Variants in CTNNA2 observed in about 807,000 individuals in gnomAD.
CTNNA2 encodes the protein catenin alpha-2.
In CTNNA2, 42 loss-of-function variants were observed where a neutral mutation model predicts 101.0. That is an observed-to-expected ratio of 0.42 (90% CI 0.32 to 0.54). The LOEUF is 0.54. CTNNA2 is among the 20% of genes least tolerant of loss of function. The pLI, the probability that CTNNA2 is intolerant of heterozygous loss-of-function variation, is 0.14. For synonymous variants in CTNNA2, 450 were observed against 456.4 expected (o/e 0.99, Z 0.18); for missense variants, 871 against 1,223.1 (o/e 0.71, Z 4.29).
At chr2:79,515,341 T>G (rs1470340468) in intron 1 of CTNNA2, among the ~76,000 whole-genome samples, 3 of 152,214 alleles carry the variant, frequency 2.0e-5, no homozygotes, top group African/African-American at 7.2e-5. Flanking sequence ...ATGAGCATAA[T>G]AAGTTAGTTT....
chr2:79,795,068 A>G (rs936902216), intron 3 of CTNNA2, among the ~76,000 whole-genome samples: 2 of 152,238 alleles, frequency 1.3e-5, no homozygotes, highest in African/African-American at 4.8e-5. Context: ...GCATACTGTC[A>G]CAATAGTGAA....
At chr2:79,938,819 T>C (rs1260163226) in intron 7 of CTNNA2, among the ~76,000 whole-genome samples, 1 of 152,160 alleles carries the variant, frequency 6.6e-6, no homozygotes, top group Non-Finnish European at 1.5e-5. Context: ...AATTCAGAGA[T>C]CAGATAAATT....
intron 2 of CTNNA2, among the ~76,000 whole-genome samples, chr2:79,288,251 T>A (rs1675678743): frequency 6.6e-6 from 1 of 152,256 alleles, no homozygotes; most frequent in Non-Finnish European, 1.5e-5. Flanking sequence ...GCTGTTCCTA[T>A]TCGGCCATCT....
intron 4 of CTNNA2, among the ~76,000 whole-genome samples, chr2:79,427,635 AT>A (rs1457014460): frequency 3.0e-4 from 45 of 151,182 alleles, no homozygotes; most frequent in Non-Finnish European, 5.6e-4. Context: ...AAAAAAAATA[AT>A]AACTGTACTC....
intron 3 of CTNNA2, among the ~76,000 whole-genome samples, chr2:79,322,450 C>T (rs1001109138): frequency 5.3e-5 from 8 of 152,298 alleles, no homozygotes; most frequent in Middle Eastern, 6.8e-3. Context: ...AATACTTTCT[C>T]ACATCAGTTA....
intron 2 of CTNNA2, among the ~76,000 whole-genome samples, chr2:79,691,653 C>G (rs1471374581): frequency 6.6e-6 from 1 of 152,068 alleles, no homozygotes; most frequent in Non-Finnish European, 1.5e-5. Context: ...ACCAAAACAG[C>G]ATGGTACTGG....
chr2:79,777,617 C>T (rs1674074937), intron 3 of CTNNA2, among the ~76,000 whole-genome samples: 1 of 152,120 alleles, frequency 6.6e-6, no homozygotes, highest in South Asian at 2.1e-4. Flanking sequence ...CTTCTCTGTG[C>T]AGAGCACTTG....
chr2:80,492,565 A>G (rs1204683366), intron 9 of CTNNA2, among the ~76,000 whole-genome samples: 1 of 152,212 alleles, frequency 6.6e-6, no homozygotes, highest in African/African-American at 2.4e-5. Flanking sequence ...CCTCATTTAC[A>G]TCAAGGAAAA....
At chr2:80,594,949 A>G (rs1442344513) in intron 15 of CTNNA2, among the ~76,000 whole-genome samples, 1 of 152,002 alleles carries the variant, frequency 6.6e-6, no homozygotes, top group Non-Finnish European at 1.5e-5. Context: ...TGAGGTCTCC[A>G]ATTTTTGTTC....
At chr2:80,023,493 G>A (rs1694717360) in intron 7 of CTNNA2, among the ~76,000 whole-genome samples, 1 of 152,024 alleles carries the variant, frequency 6.6e-6, no homozygotes, top group South Asian at 2.1e-4. Context: ...TCCTACAGCA[G>A]GCAATCCCTT....
intron 7 of CTNNA2, among the ~76,000 whole-genome samples, chr2:80,023,728 C>T (rs1349998199): frequency 6.6e-6 from 1 of 152,188 alleles, no homozygotes; most frequent in Non-Finnish European, 1.5e-5. Context: ...TGATCTCCTA[C>T]TATGTGTGCT....
intron 2 of CTNNA2, among the ~76,000 whole-genome samples, chr2:79,203,606 T>C (rs1674064901): frequency 6.6e-6 from 1 of 152,206 alleles, no homozygotes; most frequent in Non-Finnish European, 1.5e-5. Flanking sequence ...GAAGCATGTA[T>C]GATAGACAAT....
At chr2:80,334,268 T>C (rs531221285) in intron 7 of CTNNA2, among the ~76,000 whole-genome samples, 1 of 152,318 alleles carries the variant, frequency 6.6e-6, no homozygotes, top group South Asian at 2.1e-4. Context: ...ATAATCATGC[T>C]ACTTCTCTGT....
At chr2:79,760,089 G>T (rs1006226173) in intron 3 of CTNNA2, among the ~76,000 whole-genome samples, 4 of 152,066 alleles carry the variant, frequency 2.6e-5, no homozygotes, top group African/African-American at 9.7e-5. Context: ...GTGTGGTGTT[G>T]GACAAGTATT....
intron 7 of CTNNA2, among the ~76,000 whole-genome samples, chr2:80,135,219 G>C (rs1214869230): frequency 6.6e-6 from 1 of 152,172 alleles, no homozygotes; most frequent in Non-Finnish European, 1.5e-5. Flanking sequence ...GGGCCAACCA[G>C]CAGGACCTAA....
chr2:79,897,123 C>A (rs894624941), intron 6 of CTNNA2, among the ~76,000 whole-genome samples: 7 of 151,858 alleles, frequency 4.6e-5, no homozygotes, highest in Non-Finnish European at 8.8e-5. Flanking sequence ...TTGCTTTATT[C>A]CCTTATGAAT....
At chr2:80,075,622 A>AATTTTTAT (rs1553444130) in intron 7 of CTNNA2, among the ~76,000 whole-genome samples, 1 of 55,664 alleles carries the variant, frequency 1.8e-5, no homozygotes, top group African/African-American at 7.4e-5. Flanking sequence ...GTATAAATAT[A>AATTTTTAT]AATATTTATA....
At chr2:80,529,969 G>T (rs1206432807) in intron 9 of CTNNA2, among the ~76,000 whole-genome samples, 2 of 152,028 alleles carry the variant, frequency 1.3e-5, no homozygotes, top group African/African-American at 4.8e-5. Context: ...CATAACTTTG[G>T]CTCGGGGTTT....
intron 2 of CTNNA2, among the ~76,000 whole-genome samples, chr2:79,234,422 C>G (rs1389997433): frequency 6.6e-6 from 1 of 152,136 alleles, no homozygotes; most frequent in Non-Finnish European, 1.5e-5. Context: ...CCCGATGGGG[C>G]ATTCTTTATA....
Sources: allele counts gnomAD v4.1 joint callset (sites outside exome capture counted in the v4.1 genomes callset), GRCh38; gene constraint gnomAD v4.1.1; transcripts MANE v1.5; gene names NCBI Gene and HGNC (gene_info 2026-07-23, HGNC 2026-07-21).